EXOC6B: variants seen among roughly 807,000 people sequenced by gnomAD.
EXOC6B encodes the protein SEC15 homolog B.
EXOC6B carries 54 observed loss-of-function variants against 113.5 expected under a neutral mutation model. The observed-to-expected ratio is 0.48, with a 90% CI of 0.38 to 0.60. The LOEUF (loss-of-function observed/expected upper bound fraction) is 0.60, where lower values mean the gene tolerates loss of function less well. Ranked by LOEUF, EXOC6B falls within the 20% of genes least tolerant of loss-of-function variation. The pLI is 0.00. For missense variants in EXOC6B, 797 were observed against 977.5 expected (o/e 0.82, Z 2.46); for synonymous variants, 357 against 339.0 (o/e 1.05, Z -0.58).
Position 72,563,229 on chromosome 2 carries a change from A to G in EXOC6B, c.847-3708T>C, listed in dbSNP as rs1343614371. Among the ~76,000 whole-genome samples the G allele has an allele frequency of 5.3e-5, 8 of 152,158 alleles. 1 individual carries two copies. The highest frequency in any genetic ancestry group is 5.9e-5 in the Non-Finnish European group (4 of 67,958). On this transcript the variant is annotated intron_variant, in intron 7 of 21. Transcript: ENST00000272427. ...GGTAGATATAATGGAAGCAACTATT[A>G]CATTCTTCTATAAATACACATTCAC...
At chr2:72,350,241 T>G (rs1052774977) in intron 19 of EXOC6B, among the ~76,000 whole-genome samples, 1 of 152,232 alleles carries the variant, frequency 6.6e-6, no homozygotes, top group Non-Finnish European at 1.5e-5. Context: ...AATGGCATAG[T>G]AAAACATTAT....
chr2:72,662,955 G>A (rs1675129200), intron 6 of EXOC6B, among the ~76,000 whole-genome samples: 3 of 152,070 alleles, frequency 2.0e-5, no homozygotes, highest in African/African-American at 7.2e-5. Context: ...TCCTGACCTT[G>A]TGATCTGCCC....
At chr2:72,821,132 G>C (rs1253929941) in intron 1 of EXOC6B, among the ~76,000 whole-genome samples, 1 of 151,850 alleles carries the variant, frequency 6.6e-6, no homozygotes, top group Non-Finnish European at 1.5e-5. Flanking sequence ...AATACATAGA[G>C]AACTCCTACA....
At chr2:72,218,057 C>T (rs1020179576) in intron 20 of EXOC6B, among the ~76,000 whole-genome samples, 1 of 152,164 alleles carries the variant, frequency 6.6e-6, no homozygotes, top group African/African-American at 2.4e-5. Flanking sequence ...CACTGAAGGG[C>T]TCTTTGGAAA....
At chr2:72,819,676 G>A (rs1430936591) in intron 1 of EXOC6B, among the ~76,000 whole-genome samples, 1 of 152,128 alleles carries the variant, frequency 6.6e-6, no homozygotes, top group Admixed American at 6.5e-5. Flanking sequence ...CAAGGGTAAA[G>A]GTGGAAGATG....
At chr2:72,249,091 G>C (rs1330700115) in intron 20 of EXOC6B, among the ~76,000 whole-genome samples, 1 of 152,022 alleles carries the variant, frequency 6.6e-6, no homozygotes, top group African/African-American at 2.4e-5. Context: ...TAGTGAGAGC[G>C]TGTGCCTCCA....
At chr2:72,378,066 T>C in intron 19 of EXOC6B, among the ~76,000 whole-genome samples, 1 of 152,214 alleles carries the variant, frequency 6.6e-6, no homozygotes, top group Non-Finnish European at 1.5e-5. Flanking sequence ...TTAGCTGGAC[T>C]CTTCCATTCT....
chr2:72,367,601 TAG>T lies in EXOC6B; in HGVS notation c.2122+12126_2122+12127del, dbSNP rs1690710990. On this transcript the variant is annotated intron_variant, in intron 19 of 21. Coordinates refer to ENST00000272427, the MANE Select transcript of EXOC6B (RefSeq NM_015189.3). ...AAATCAGGTGAGCAATCACGCTACC[TAG>T]ATTTTTACATCATATCGCTAAAAGA... Among the ~76,000 whole-genome samples, 3 of 151,580 alleles carry T rather than the reference TAG, an allele frequency of 2.0e-5. No homozygotes were observed. In the South Asian group the frequency reaches 6.3e-4, roughly 32 times the overall value.
At chr2:72,476,805 C>T (rs1698773110) in intron 17 of EXOC6B, among the ~76,000 whole-genome samples, 1 of 152,188 alleles carries the variant, frequency 6.6e-6, no homozygotes, top group South Asian at 2.1e-4. Flanking sequence ...TGGTATTTAT[C>T]TACTTCGGTA....
At chr2:72,222,897 G>A (rs1043999966) in intron 20 of EXOC6B, among the ~76,000 whole-genome samples, 4 of 152,128 alleles carry the variant, frequency 2.6e-5, no homozygotes, top group Admixed American at 1.3e-4. Flanking sequence ...TGAGGCTGAC[G>A]GCTAAGGCAC....
intron 5 of EXOC6B, among the ~76,000 whole-genome samples, chr2:72,720,263 CAAAG>C (rs1679908868): frequency 6.6e-6 from 1 of 151,584 alleles, no homozygotes; most frequent in Non-Finnish European, 1.5e-5. Context: ...AAATAGAAAA[CAAAG>C]AAGAAAATCC....
intron 8 of EXOC6B, among the ~76,000 whole-genome samples, chr2:72,521,152 G>A (rs894395769): frequency 6.6e-6 from 1 of 152,128 alleles, no homozygotes; most frequent in Non-Finnish European, 1.5e-5. Flanking sequence ...TTGAGGGAGT[G>A]GGTTTGCACC....
intron 1 of EXOC6B, among the ~76,000 whole-genome samples, chr2:72,744,370 AAATAAATTATAAAC>A (rs1681555412): frequency 6.6e-6 from 1 of 152,236 alleles, no homozygotes; most frequent in African/African-American, 2.4e-5. Context: ...GGAGATTGTC[AAATAAATTATAAAC>A]AATCTCTGCT....
intron 6 of EXOC6B, among the ~76,000 whole-genome samples, chr2:72,612,374 T>G (rs1671127617): frequency 6.6e-6 from 1 of 152,182 alleles, no homozygotes. Flanking sequence ...CTTTAAAGTT[T>G]GTATAAAGGT....
chr2:72,300,617 C>G (rs935292962), intron 20 of EXOC6B, among the ~76,000 whole-genome samples: 1 of 152,148 alleles, frequency 6.6e-6, no homozygotes, highest in Admixed American at 6.5e-5. Flanking sequence ...AAATGGTTGC[C>G]CAGTTTTGTG....
chr2:72,245,659 GAGA>G (rs1219652935), intron 20 of EXOC6B, among the ~76,000 whole-genome samples: 3 of 152,192 alleles, frequency 2.0e-5, no homozygotes, highest in Non-Finnish European at 2.9e-5. Flanking sequence ...AAGTGAGGGA[GAGA>G]AGAAGAGGCA....
chr2:72,291,548 C>T (rs751641709), intron 20 of EXOC6B, among the ~76,000 whole-genome samples: 3 of 152,182 alleles, frequency 2.0e-5, no homozygotes, highest in African/African-American at 7.2e-5. Flanking sequence ...GTGACAGCCT[C>T]TTTTAGGTTT....
intron 6 of EXOC6B, among the ~76,000 whole-genome samples, chr2:72,601,112 A>ATGTG (rs1301404255): frequency 7.1e-6 from 1 of 141,694 alleles, no homozygotes; most frequent in Non-Finnish European, 1.5e-5. Context: ...ATATATATAT[A>ATGTG]TGTGTGTGTG....
In EXOC6B at chr2:72,197,342, G is replaced by T. The variant is rs573212499; in HGVS notation, c.2197-13155C>A. Among the ~76,000 whole-genome samples, 45 of 152,240 alleles carry T rather than the reference G, an allele frequency of 3.0e-4. 1 individual carries two copies. The South Asian group carries it at 6.0e-3, about 20-fold the overall frequency. The stretch of plus-strand genomic sequence containing the variant: ...CCATGACAATCTGACTCCCAAGCCT[G>T]ATCTTTTCCTCCATTCCCTTTCGAG... On this transcript the variant is annotated intron_variant, in intron 20 of 21. Coordinates refer to ENST00000272427, the MANE Select transcript of EXOC6B (RefSeq NM_015189.3).
Sources: gnomAD v4.1 joint callset for allele counts (sites outside exome capture counted in the v4.1 genomes callset) on GRCh38, gnomAD v4.1.1 for gene constraint, MANE v1.5 for transcripts, NCBI Gene and HGNC (gene_info 2026-07-23, HGNC 2026-07-21) for gene names.